The following GPC5 variants were observed in gnomAD, a reference collection of about 807,000 sequenced individuals.
The protein encoded by GPC5 is glypican-5.
GPC5 carries 47 observed loss-of-function variants against 53.9 expected under a neutral mutation model. The ratio of observed to expected loss-of-function variants is 0.87; its 90% CI spans 0.69 to 1.11. The LOEUF (loss-of-function observed/expected upper bound fraction) is 1.11, where lower values mean the gene tolerates loss of function less well. Among genes scored for constraint, GPC5 ranks in the 50% most tolerant of loss-of-function variants. GPC5 has a pLI of 0.00. For missense variants in GPC5, 748 were observed against 713.1 expected (o/e 1.05, Z -0.56); for synonymous variants, 286 against 263.3 (o/e 1.09, Z -0.84).
chr13:92,275,751 T>C (rs2042871016), intron 7 of GPC5, among the ~76,000 whole-genome samples: 1 of 152,148 alleles, frequency 6.6e-6, no homozygotes, highest in Non-Finnish European at 1.5e-5. Flanking sequence ...TTCTGGGGCA[T>C]GTATCCATCG....
At chr13:91,619,466 A>C (rs2033793412) in intron 2 of GPC5, among the ~76,000 whole-genome samples, 1 of 152,046 alleles carries the variant, frequency 6.6e-6, no homozygotes, top group African/African-American at 2.4e-5. Context: ...TTATATTAGA[A>C]TTTGCTTTGG....
chr13:92,712,240 A>G (rs1238407336), intron 7 of GPC5, among the ~76,000 whole-genome samples: 6 of 152,022 alleles, frequency 3.9e-5, no homozygotes, highest in African/African-American at 1.4e-4. Flanking sequence ...TCATCAAAAT[A>G]TAATAAAGGA....
intron 7 of GPC5, among the ~76,000 whole-genome samples, chr13:92,549,884 T>TACATAC (rs1555289389): frequency 1.4e-5 from 2 of 140,804 alleles, no homozygotes; most frequent in Non-Finnish European, 3.1e-5. Context: ...AACACACACA[T>TACATAC]ACACACACAC....
intron 7 of GPC5, among the ~76,000 whole-genome samples, chr13:92,835,460 T>A (rs1409056333): frequency 4.6e-5 from 7 of 152,016 alleles, no homozygotes; most frequent in African/African-American, 1.7e-4. Flanking sequence ...ATTTTCTCAG[T>A]CAATAGCAAC....
intron 2 of GPC5, among the ~76,000 whole-genome samples, chr13:91,549,508 C>T (rs1162662754): frequency 6.6e-6 from 1 of 152,080 alleles, no homozygotes; most frequent in Non-Finnish European, 1.5e-5. Flanking sequence ...GCAAAAGACA[C>T]ATCTGATAAA....
chr13:91,621,761 T>TATATATATATATATA (rs11462875), intron 2 of GPC5, among the ~76,000 whole-genome samples: 2,997 of 45,990 alleles, frequency 0.065, 700 homozygotes, highest in South Asian at 0.084. Context: ...GGACAGAACA[T>TATATATATATATATA]TATATATATA....
In GPC5 at chr13:91,401,413, T is replaced by A. The variant is rs184655226; in HGVS notation, c.163+2204T>A. Among the ~76,000 whole-genome samples, 181 of 152,314 alleles carry A rather than the reference T, an allele frequency of 1.2e-3. 1 individual carries two copies. Among genetic ancestry groups the A allele is most frequent in the African/African-American group, 4.1e-3 (169 of 41,590 alleles). ...CTACAACATTTAACATGATTGAATA[T>A]GGTAATTGACTATCATATTTTCTAA... On this transcript the variant is annotated intron_variant, in intron 1 of 7. Coordinates refer to ENST00000377067, the MANE Select transcript of GPC5 (RefSeq NM_004466.6).
intron 3 of GPC5, among the ~76,000 whole-genome samples, chr13:91,720,321 A>T (rs549377256): frequency 1.4e-4 from 22 of 152,296 alleles, no homozygotes; most frequent in African/African-American, 4.6e-4. Flanking sequence ...TGTTCTTCTG[A>T]TTAGAGCCAA....
intron 7 of GPC5, among the ~76,000 whole-genome samples, chr13:92,684,690 A>T (rs964156467): frequency 6.6e-6 from 1 of 152,208 alleles, no homozygotes; most frequent in African/African-American, 2.4e-5. Flanking sequence ...TATGAATAAC[A>T]CTAGCATAAA....
At chr13:91,498,933 T>A (rs545131420) in intron 2 of GPC5, among the ~76,000 whole-genome samples, 2 of 151,436 alleles carry the variant, frequency 1.3e-5, no homozygotes, top group Non-Finnish European at 2.9e-5. Context: ...ATCTTACCAC[T>A]GCACTCCAGC....
intron 7 of GPC5, among the ~76,000 whole-genome samples, chr13:92,387,382 G>A (rs9561032): frequency 0.04 from 6,030 of 151,988 alleles, 188 homozygotes; most frequent in East Asian, 0.15. Flanking sequence ...TTCAATTTAC[G>A]ATAGCTCTAT....
intron 7 of GPC5, among the ~76,000 whole-genome samples, chr13:92,585,935 T>C (rs1196398504): frequency 1.3e-5 from 2 of 152,236 alleles, no homozygotes; most frequent in African/African-American, 4.8e-5. Flanking sequence ...CAAGTGCAAC[T>C]GTAAGTCCAG....
intron 6 of GPC5, among the ~76,000 whole-genome samples, chr13:91,915,645 TA>T (rs1270364595): frequency 1.1e-4 from 17 of 152,318 alleles, no homozygotes; most frequent in Middle Eastern, 3.4e-3. Context: ...TTATATTTTT[TA>T]TTTAGGTGAC....
intron 7 of GPC5, among the ~76,000 whole-genome samples, chr13:92,149,413 A>G (rs2041891476): frequency 6.6e-6 from 1 of 152,090 alleles, no homozygotes; most frequent in Non-Finnish European, 1.5e-5. Flanking sequence ...ATTAATTTAG[A>G]AATAGTAGGA....
chr13:91,838,630 G>A (rs2038749666), intron 5 of GPC5, among the ~76,000 whole-genome samples: 1 of 152,016 alleles, frequency 6.6e-6, no homozygotes, highest in South Asian at 2.1e-4. Context: ...TGAAAAGATT[G>A]GAAATGAATA....
chr13:92,166,380 C>T (rs2042027920), intron 7 of GPC5, among the ~76,000 whole-genome samples: 1 of 152,118 alleles, frequency 6.6e-6, no homozygotes, highest in Admixed American at 6.6e-5. Flanking sequence ...AAGAAATGCT[C>T]ACAAAATCCA....
chr13:91,785,176 T>G (rs193208), intron 5 of GPC5, among the ~76,000 whole-genome samples: 56,615 of 152,038 alleles, frequency 0.37, 12,108 homozygotes, highest in African/African-American at 0.59. Context: ...CTCAGGCTTT[T>G]GTTCTGTTCT....
intron 7 of GPC5, among the ~76,000 whole-genome samples, chr13:92,854,277 CTATA>C (rs71686718): frequency 2.1e-5 from 3 of 140,400 alleles, no homozygotes; most frequent in East Asian, 4.0e-4. Context: ...TATAGATATC[CTATA>C]TATATATAGA....
intron 7 of GPC5, among the ~76,000 whole-genome samples, chr13:92,271,473 A>C (rs1179523547): frequency 6.6e-6 from 1 of 152,224 alleles, no homozygotes; most frequent in Non-Finnish European, 1.5e-5. Flanking sequence ...ATATATTTCC[A>C]GGTATAAAGT....
Sources: gnomAD v4.1 joint callset for allele counts (sites outside exome capture counted in the v4.1 genomes callset) on GRCh38, gnomAD v4.1.1 for gene constraint, MANE v1.5 for transcripts, NCBI Gene and HGNC (gene_info 2026-07-23, HGNC 2026-07-21) for gene names.